The following CFAP210 variants were observed in gnomAD, a reference collection of about 807,000 sequenced individuals.
CFAP210 encodes cilia and flagella associated protein 210.
At chr2:169,651,156 G>A in the CFAP210 span, among the ~76,000 whole-genome samples, 6 of 148,864 alleles carry the variant, frequency 4.0e-5, no homozygotes, top group African/African-American at 1.5e-4. Context: ...GAACCTAGGA[G>A]GCGTAGGTTG....
the CFAP210 span, among the ~76,000 whole-genome samples, chr2:169,679,702 A>AAAAAAAAAAAAAAAC: frequency 6.7e-6 from 1 of 149,700 alleles, no homozygotes; most frequent in Non-Finnish European, 1.5e-5. Context: ...AAAAAAAAAA[A>AAAAAAAAAAAAAAAC]AGGTGCCAGT....
At chr2:169,653,485 C>T in the CFAP210 span, among the ~76,000 whole-genome samples, 5 of 152,050 alleles carry the variant, frequency 3.3e-5, no homozygotes, top group East Asian at 1.9e-4. Flanking sequence ...ATGATTTAGA[C>T]AGAAACCCCC....
chr2:169,657,732 CA>C, the CFAP210 span, among the ~76,000 whole-genome samples: 37 of 144,818 alleles, frequency 2.6e-4, no homozygotes, highest in South Asian at 6.6e-4. Context: ...CAAAATGAAA[CA>C]AAAAAAAAAT....
At chr2:169,661,455 C>A in the CFAP210 span, 1 of 328,908 alleles carries the variant, frequency 3.0e-6, no homozygotes, top group South Asian at 2.8e-5. Context: ...CTGAGCTGCA[C>A]AGACAGCTCC....
chr2:169,663,753 G>A, the CFAP210 span, among the ~76,000 whole-genome samples: 1 of 151,158 alleles, frequency 6.6e-6, no homozygotes, highest in African/African-American at 2.4e-5. Context: ...GATCACTGTT[G>A]GCCAATGCTA....
the CFAP210 span, among the ~76,000 whole-genome samples, chr2:169,653,018 AAAAAAAAAAAAATATATATATATATATAT>A: frequency 4.8e-5 from 3 of 61,990 alleles, no homozygotes; most frequent in African/African-American, 6.5e-5. Context: ...AAAAAAAAAA[AAAAAAAAAAAAATATATATATATATATAT>A]ATATATATAT....
At chr2:169,667,735 A>T in the CFAP210 span, among the ~76,000 whole-genome samples, 1 of 152,072 alleles carries the variant, frequency 6.6e-6, no homozygotes, top group African/African-American at 2.4e-5. Context: ...TTTTGAAAGG[A>T]ATATTTTTTT....
At chr2:169,682,411 T>C in the CFAP210 span, among the ~76,000 whole-genome samples, 2 of 152,178 alleles carry the variant, frequency 1.3e-5, no homozygotes, top group Non-Finnish European at 2.9e-5. Flanking sequence ...CCCCACTGGA[T>C]ACCATTTACT....
chr2:169,661,356 C>A, the CFAP210 span: 1 of 418,884 alleles, frequency 2.4e-6, no homozygotes, highest in South Asian at 1.9e-5. Flanking sequence ...TGGGCATTTT[C>A]AGGCACTGCT....
At chr2:169,665,310 T>A in the CFAP210 span, among the ~76,000 whole-genome samples, 10 of 150,704 alleles carry the variant, frequency 6.6e-5, no homozygotes, top group Non-Finnish European at 1.3e-4. Flanking sequence ...TTTTTGAGAC[T>A]GGTCTCACTC....
the CFAP210 span, chr2:169,650,227 T>C: frequency 8.4e-7 from 1 of 1,188,148 alleles, no homozygotes; most frequent in African/African-American, 1.6e-5. Flanking sequence ...GTTTTTAATA[T>C]CTTGGCTAGT....
the CFAP210 span, among the ~76,000 whole-genome samples, chr2:169,674,402 T>C: frequency 6.6e-6 from 1 of 152,200 alleles, no homozygotes; most frequent in African/African-American, 2.4e-5. Flanking sequence ...ATTATGACAA[T>C]AATAACCAAT....
chr2:169,682,201 C>T, the CFAP210 span, among the ~76,000 whole-genome samples: 1 of 141,980 alleles, frequency 7.0e-6, no homozygotes. Context: ...TACTAACAGC[C>T]AAACTTACTC....
At chr2:169,659,940 A>T in the CFAP210 span, among the ~76,000 whole-genome samples, 1 of 152,236 alleles carries the variant, frequency 6.6e-6, no homozygotes, top group Non-Finnish European at 1.5e-5. Flanking sequence ...ATTGACATAT[A>T]GTTGCTCATA....
At chr2:169,659,827 C>T in the CFAP210 span, among the ~76,000 whole-genome samples, 1 of 152,144 alleles carries the variant, frequency 6.6e-6, no homozygotes, top group Non-Finnish European at 1.5e-5. Context: ...TCAATCTCAT[C>T]CCTTGTTATT....
chr2:169,694,342 T>G, the CFAP210 span: 1 of 1,613,260 alleles, frequency 6.2e-7, no homozygotes, highest in Non-Finnish European at 8.5e-7. Flanking sequence ...CTCCTAGATC[T>G]GGAAAAGTGA....
the CFAP210 span, among the ~76,000 whole-genome samples, chr2:169,653,090 GTA>G: frequency 4.7e-5 from 5 of 106,478 alleles, no homozygotes; most frequent in East Asian, 6.0e-4. Context: ...ATATATGTAT[GTA>G]TATATATATA....
the CFAP210 span, chr2:169,660,801 C>G: frequency 1.3e-5 from 3 of 232,730 alleles, no homozygotes; most frequent in East Asian, 3.6e-4. Flanking sequence ...AGGGTTTCAC[C>G]ATGTTGGCCA....
chr2:169,686,937 C>T, the CFAP210 span, among the ~76,000 whole-genome samples: 2 of 152,140 alleles, frequency 1.3e-5, no homozygotes, highest in South Asian at 4.1e-4. Flanking sequence ...GTTGGACTTA[C>T]AGTTCCACAT....
Sources: gnomAD v4.1 joint callset for allele counts (sites outside exome capture counted in the v4.1 genomes callset) on GRCh38, gnomAD v4.1.1 for gene constraint, MANE v1.5 for transcripts, NCBI Gene and HGNC (gene_info 2026-07-23, HGNC 2026-07-21) for gene names.